The following ACACB variants were observed in gnomAD, a reference collection of about 807,000 sequenced individuals.
ACACB encodes the protein acetyl-CoA carboxylase beta.
In ACACB, 209 loss-of-function variants were observed where a neutral mutation model predicts 278.8. That is an observed-to-expected ratio of 0.75 (90% CI 0.67 to 0.84). The LOEUF is 0.84. Ranked by LOEUF, ACACB falls within the 40% of genes least tolerant of loss-of-function variation. ACACB has a pLI of 0.00. For synonymous variants in ACACB, 1,174 were observed against 1,285.6 expected (o/e 0.91, Z 1.86); for missense variants, 2,850 against 3,269.0 (o/e 0.87, Z 3.13).
chr12:109,173,760 T>G (rs1238049983), intron 6 of ACACB, among the ~76,000 whole-genome samples: 1 of 152,250 alleles, frequency 6.6e-6, no homozygotes, highest in South Asian at 2.1e-4. Flanking sequence ...CTGAAAGTAT[T>G]TCCCATCTGG....
At chr12:109,261,822 G>C (rs1272809417) in intron 48 of ACACB, among the ~76,000 whole-genome samples, 1 of 145,152 alleles carries the variant, frequency 6.9e-6, no homozygotes, top group Non-Finnish European at 1.5e-5. Context: ...AGTGAACCGA[G>C]ATAGTGCCAC....
intron 1 of ACACB, among the ~76,000 whole-genome samples, chr12:109,138,467 A>AT (rs2043022172): frequency 6.6e-6 from 1 of 152,142 alleles, no homozygotes; most frequent in Admixed American, 6.5e-5. Context: ...CTCCAGGGCC[A>AT]TGATGGTGAC....
intron 2 of ACACB, among the ~76,000 whole-genome samples, chr12:109,146,565 C>T (rs2043247639): frequency 1.3e-5 from 2 of 152,218 alleles, no homozygotes; most frequent in South Asian, 4.1e-4. Flanking sequence ...CTCTCTTTCT[C>T]CCAACCCCTG....
intron 26 of ACACB, 87 bp from the exon 27 acceptor site, chr12:109,223,727 AC>A: frequency 8.2e-7 from 1 of 1,224,572 alleles, no homozygotes; most frequent in Non-Finnish European, 1.2e-6. Context: ...ACACCACTGC[AC>A]TCCAGTTTAT....
intron 1 of ACACB, among the ~76,000 whole-genome samples, chr12:109,132,247 C>T (rs1206187067): frequency 6.6e-6 from 1 of 152,120 alleles, no homozygotes; most frequent in Non-Finnish European, 1.5e-5. Flanking sequence ...TCACTGCAAC[C>T]TCTGCCTCCT....
At chr12:109,209,402 G>A (rs1431812860) in intron 21 of ACACB, 49 bp downstream of exon 21, 1 of 1,550,704 alleles carries the variant, frequency 6.4e-7, no homozygotes. Flanking sequence ...GTCACACTGG[G>A]CCGGCTCCCG....
At chr12:109,164,877 C>T (rs913906801) in intron 2 of ACACB, among the ~76,000 whole-genome samples, 2 of 151,868 alleles carry the variant, frequency 1.3e-5, no homozygotes, top group Non-Finnish European at 1.5e-5. Context: ...GCCACCACGC[C>T]TGGCCCTGAA....
At chr12:109,151,846 GT>G (rs2043384336) in intron 2 of ACACB, among the ~76,000 whole-genome samples, 1 of 152,232 alleles carries the variant, frequency 6.6e-6, no homozygotes, top group Non-Finnish European at 1.5e-5. Context: ...TAAAGGTGGT[GT>G]TGTGCTTGGA....
chr12:109,210,244 T>TATATACACACGTGTGTGTATATGTAC (rs1565927432), intron 21 of ACACB, among the ~76,000 whole-genome samples: 485 of 31,946 alleles, frequency 0.015, 72 homozygotes, highest in Non-Finnish European at 0.02. Context: ...TATATATGTA[T>TATATACACACGTGTGTGTATATGTAC]ATATACACAC....
At chr12:109,169,804 C>G (rs1013911747) in intron 4 of ACACB, among the ~76,000 whole-genome samples, 1 of 152,164 alleles carries the variant, frequency 6.6e-6, no homozygotes, top group Non-Finnish European at 1.5e-5. Flanking sequence ...AAAAGAAAAA[C>G]TGGACAAGGA....
At position 109,197,025 on chromosome 12, in the gene ACACB, G is replaced by A; in HGVS notation, c.2499G>A (p.Leu833=). 3.2e-6 allele frequency: 5 copies of A among 1,573,236 alleles called. 1 individual carries two copies. The highest frequency in any genetic ancestry group is 1.7e-4 in the Middle Eastern group (1 of 5,898). Residue 833 remains leucine (L), a synonymous_variant, in exon 17 of 53, where the codon CTG becomes CTA. Transcript: ENST00000338432. ...CCCCACAGGTGGCCCGGCAGTCTCT[G>A]ACCATGTTCGTTCTCATCATGAATG... ...KYILKVARQS[L]TMFVLIMNGC...
At chr12:109,223,777 A>AT in intron 26 of ACACB, 38 bp from the exon 27 acceptor site, 1 of 1,566,614 alleles carries the variant, frequency 6.4e-7, no homozygotes, top group Non-Finnish European at 8.8e-7. Flanking sequence ...ACTTGTTCAC[A>AT]TTTACTTTTC....
At chr12:109,143,828 G>A (rs78223412) in intron 2 of ACACB, among the ~76,000 whole-genome samples, 1,817 of 152,136 alleles carry the variant, frequency 0.012, 42 homozygotes, top group African/African-American at 0.041. Context: ...GTGTTTGACT[G>A]GATGAAAAAA....
intron 1 of ACACB, among the ~76,000 whole-genome samples, chr12:109,135,001 C>T (rs1375142329): frequency 6.6e-6 from 1 of 152,162 alleles, no homozygotes; most frequent in Non-Finnish European, 1.5e-5. Context: ...TTGTTTGAGT[C>T]GTTGTTTTCA....
chr12:109,210,548 T>C (rs746171668), intron 21 of ACACB, among the ~76,000 whole-genome samples: 37 of 148,900 alleles, frequency 2.5e-4, no homozygotes, highest in Non-Finnish European at 4.0e-4. Context: ...TACGTGCATG[T>C]ATATATACAT....
At chr12:109,127,020 T>C (rs2042697363) in intron 1 of ACACB, among the ~76,000 whole-genome samples, 1 of 152,234 alleles carries the variant, frequency 6.6e-6, no homozygotes, top group Non-Finnish European at 1.5e-5. Context: ...ACTCTAGCAG[T>C]ACTGGCTGGG....
chr12:109,235,885 G>C, intron 33 of ACACB: 1 of 462,022 alleles, frequency 2.2e-6, no homozygotes, highest in Non-Finnish European at 3.8e-6. Context: ...TGTGGTCCCA[G>C]CTACTTGGGA....
intron 14 of ACACB, 21 bp downstream of exon 14, chr12:109,191,784 G>A (rs1295019956): frequency 6.2e-7 from 1 of 1,614,110 alleles, no homozygotes; most frequent in Admixed American, 1.7e-5. Flanking sequence ...AGCTGCCTGT[G>A]TCTCCCCTCT....
intron 15 of ACACB, among the ~76,000 whole-genome samples, chr12:109,192,717 A>G (rs2044938013): frequency 6.6e-6 from 1 of 152,032 alleles, no homozygotes; most frequent in Non-Finnish European, 1.5e-5. Context: ...GCTAGAGTGC[A>G]GTGGTATGAT....
Sources: allele counts gnomAD v4.1 joint callset (sites outside exome capture counted in the v4.1 genomes callset), GRCh38; gene constraint gnomAD v4.1.1; transcripts MANE v1.5; gene names NCBI Gene and HGNC (gene_info 2026-07-23, HGNC 2026-07-21).